The following PRKCE variants were observed in gnomAD, a reference collection of about 807,000 sequenced individuals.
PRKCE encodes protein kinase C epsilon type.
In PRKCE, 16 loss-of-function variants were observed where a neutral mutation model predicts 85.4. The observed-to-expected ratio is 0.19, with a 90% CI of 0.13 to 0.28. The LOEUF is 0.28. Ranked by LOEUF, PRKCE falls within the 10% of genes least tolerant of loss-of-function variation. The probability of loss-of-function intolerance (pLI) is 1.00; values close to 1 mark genes in which losing one functional copy is unlikely to be tolerated. For synonymous variants in PRKCE, 388 were observed against 371.5 expected, an observed-to-expected ratio of 1.04 and a Z score of -0.51; for missense variants, 573 against 975.2, an observed-to-expected ratio of 0.59 and a Z score of 5.49.
chr2:45,760,528 C>T (rs1466637127), intron 1 of PRKCE, among the ~76,000 whole-genome samples: 1 of 152,138 alleles, frequency 6.6e-6, no homozygotes, highest in East Asian at 1.9e-4. Flanking sequence ...ACAACAAAAG[C>T]CTTCATAAGC....
At chr2:45,921,803 C>G (rs1428188226) in intron 2 of PRKCE, among the ~76,000 whole-genome samples, 2 of 152,128 alleles carry the variant, frequency 1.3e-5, no homozygotes, top group Admixed American at 6.5e-5. Context: ...GGTGTGATGC[C>G]TGCTGTCATA....
chr2:46,156,208 G>A (rs773089308), intron 13 of PRKCE, among the ~76,000 whole-genome samples: 2 of 151,418 alleles, frequency 1.3e-5, no homozygotes, highest in Non-Finnish European at 2.9e-5. Flanking sequence ...GCCCTTCCCC[G>A]TCATCTGCTG....
chr2:45,847,099 T>A (rs1157169262), intron 2 of PRKCE, among the ~76,000 whole-genome samples: 2 of 152,256 alleles, frequency 1.3e-5, no homozygotes, highest in African/African-American at 2.4e-5. Flanking sequence ...GCGATTGCTT[T>A]CTGCACAGTT....
At chr2:45,949,402 G>GTTTTTTTTTTTTTTTTTTTGTTT (rs35033431) in intron 2 of PRKCE, among the ~76,000 whole-genome samples, 3 of 118,742 alleles carry the variant, frequency 2.5e-5, no homozygotes, top group Non-Finnish European at 5.2e-5. Flanking sequence ...TATTTTGCTT[G>GTTTTTTTTTTTTTTTTTTTGTTT]TTTTTTTTTT....
At chr2:45,883,739 T>A (rs1237203142) in intron 2 of PRKCE, among the ~76,000 whole-genome samples, 1 of 152,232 alleles carries the variant, frequency 6.6e-6, no homozygotes, top group Non-Finnish European at 1.5e-5. Flanking sequence ...CCGCCTGTCA[T>A]GCTGGAAGGA....
intron 2 of PRKCE, among the ~76,000 whole-genome samples, chr2:45,866,194 A>G (rs1693594736): frequency 6.6e-6 from 1 of 152,142 alleles, no homozygotes; most frequent in Non-Finnish European, 1.5e-5. Flanking sequence ...ACAGCAGTTC[A>G]TTGCTTTCCA....
intron 6 of PRKCE, among the ~76,000 whole-genome samples, chr2:45,993,808 G>C (rs1211276982): frequency 2.0e-5 from 3 of 152,182 alleles, no homozygotes; most frequent in Non-Finnish European, 4.4e-5. Flanking sequence ...CAGTGCTGTT[G>C]CCTGGTCTCT....
intron 2 of PRKCE, among the ~76,000 whole-genome samples, chr2:45,915,079 G>A (rs902293146): frequency 2.0e-5 from 3 of 152,142 alleles, no homozygotes; most frequent in African/African-American, 7.2e-5. Flanking sequence ...AGTATAGTTG[G>A]GGTTTCACCA....
At chr2:45,970,538 T>C (rs536188411) in intron 2 of PRKCE, among the ~76,000 whole-genome samples, 29 of 152,202 alleles carry the variant, frequency 1.9e-4, no homozygotes, top group Admixed American at 4.6e-4. Flanking sequence ...AAAAGATACA[T>C]TTATGTATCT....
chr2:45,882,688 T>A (rs886842186), intron 2 of PRKCE, among the ~76,000 whole-genome samples: 1 of 152,226 alleles, frequency 6.6e-6, no homozygotes, highest in Non-Finnish European at 1.5e-5. Context: ...TGGAGGCCCA[T>A]CCACCAACGG....
At chr2:45,732,274 C>G (rs961653543) in intron 1 of PRKCE, among the ~76,000 whole-genome samples, 14 of 152,234 alleles carry the variant, frequency 9.2e-5, no homozygotes, top group African/African-American at 2.6e-4. Context: ...TCAGGTTTTT[C>G]TATAGGTGAG....
chr2:46,063,658 G>C (rs969327661), intron 10 of PRKCE, among the ~76,000 whole-genome samples: 2 of 152,212 alleles, frequency 1.3e-5, no homozygotes, highest in South Asian at 2.1e-4. Context: ...CATGCTCCCA[G>C]GGCAGAGAAT....
chr2:46,026,413 G>A (rs913898851), intron 10 of PRKCE, among the ~76,000 whole-genome samples: 1 of 152,194 alleles, frequency 6.6e-6, no homozygotes, highest in Admixed American at 6.5e-5. Context: ...AGAAGACTAT[G>A]CAGAAACATT....
intron 2 of PRKCE, among the ~76,000 whole-genome samples, chr2:45,887,279 A>G (rs1695372843): frequency 6.6e-6 from 1 of 152,212 alleles, no homozygotes; most frequent in Non-Finnish European, 1.5e-5. Context: ...CTAGATGGAC[A>G]ATAGATAGCG....
chr2:45,983,730 G>T (rs910467510), intron 5 of PRKCE, among the ~76,000 whole-genome samples: 3 of 152,060 alleles, frequency 2.0e-5, no homozygotes, highest in Non-Finnish European at 4.4e-5. Context: ...TGTGTGGTCA[G>T]GGCTGAGACC....
chr2:46,160,059 A>C (rs1677602549), intron 14 of PRKCE: 1 of 318,814 alleles, frequency 3.1e-6, no homozygotes. Flanking sequence ...CTAGTTTTCC[A>C]TGTATGGTAG....
chr2:46,140,136 A>G (rs909880076), intron 11 of PRKCE, among the ~76,000 whole-genome samples: 37 of 152,222 alleles, frequency 2.4e-4, no homozygotes. Flanking sequence ...CCCTAAGTTA[A>G]TTTATAACTT....
At chr2:46,150,310 C>T (rs1003119298) in intron 12 of PRKCE, among the ~76,000 whole-genome samples, 1 of 152,086 alleles carries the variant, frequency 6.6e-6, no homozygotes, top group Non-Finnish European at 1.5e-5. Context: ...GGAGATGGTT[C>T]GATTCTGGCT....
intron 1 of PRKCE, among the ~76,000 whole-genome samples, chr2:45,834,016 T>C (rs1463844053): frequency 6.6e-6 from 1 of 152,256 alleles, no homozygotes; most frequent in African/African-American, 2.4e-5. Flanking sequence ...AAAGCATTTA[T>C]GTATACATAG....
Sources: gnomAD v4.1 joint callset for allele counts (sites outside exome capture counted in the v4.1 genomes callset) on GRCh38, gnomAD v4.1.1 for gene constraint, MANE v1.5 for transcripts, NCBI Gene and HGNC (gene_info 2026-07-23, HGNC 2026-07-21) for gene names.